TMEM150C: variants seen among roughly 807,000 people sequenced by gnomAD.
The protein encoded by TMEM150C is transmembrane protein 150C.
TMEM150C carries 10 observed loss-of-function variants against 29.9 expected under a neutral mutation model. The ratio of observed to expected loss-of-function variants is 0.33; its 90% CI spans 0.21 to 0.57. TMEM150C has a LOEUF of 0.57. Among genes scored for constraint, TMEM150C ranks in the 20% least tolerant of loss-of-function variants. The pLI is 0.88. For synonymous variants in TMEM150C, 101 were observed against 112.5 expected, an observed-to-expected ratio of 0.90 and a Z score of 0.64; for missense variants, 251 against 303.6, an observed-to-expected ratio of 0.83 and a Z score of 1.29.
At chr4:82,491,821 A>AG (rs1033225512) in intron 6 of TMEM150C, among the ~76,000 whole-genome samples, 2 of 151,044 alleles carry the variant, frequency 1.3e-5, no homozygotes, top group African/African-American at 4.9e-5. Flanking sequence ...TTACTGATGG[A>AG]GGACAGCCAA....
At chr4:82,512,220 G>T (rs1269543500) in intron 1 of TMEM150C, among the ~76,000 whole-genome samples, 1 of 152,072 alleles carries the variant, frequency 6.6e-6, no homozygotes, top group Non-Finnish European at 1.5e-5. Flanking sequence ...TGAAAATATG[G>T]TACCTAGTGC....
At position 82,484,772 on chromosome 4, in the gene TMEM150C, C is replaced by T. The variant is rs1723105179; in HGVS notation, c.*739G>A. On this transcript the variant is annotated 3_prime_UTR_variant, in exon 8 of 8. Transcript: ENST00000449862. Reference sequence around the variant, plus strand: ...GTACATGGCATACTATGAAAGCAAACACTAAACCATACCTTCACTGCCCCC... The same window carrying T: ...GTACATGGCATACTATGAAAGCAAATACTAAACCATACCTTCACTGCCCCC... The T allele has an allele frequency of 6.6e-6, 1 of 152,258 alleles. No homozygotes were observed. Among genetic ancestry groups the T allele is most frequent in the Non-Finnish European group, 1.5e-5 (1 of 68,100 alleles). The allele number at this position is 152,258 out of a possible 1,614,324, so 9.4% of individuals were successfully genotyped here.
At chr4:82,497,462 C>T (rs574403788) in intron 5 of TMEM150C, among the ~76,000 whole-genome samples, 2 of 152,064 alleles carry the variant, frequency 1.3e-5, no homozygotes, top group Non-Finnish European at 2.9e-5. Flanking sequence ...TTGCATTTCT[C>T]GAGTATGTTA....
chr4:82,487,430 C>T (rs1723200026), intron 7 of TMEM150C, among the ~76,000 whole-genome samples: 3 of 152,176 alleles, frequency 2.0e-5, no homozygotes, highest in Admixed American at 1.3e-4. Flanking sequence ...GCCTAGGCAA[C>T]AGAATGAGAC....
chr4:82,554,133 G>C (rs1399701634), intron 1 of TMEM150C, among the ~76,000 whole-genome samples: 1 of 152,108 alleles, frequency 6.6e-6, no homozygotes, highest in Non-Finnish European at 1.5e-5. Flanking sequence ...TGGTATGTGG[G>C]AACATAATAC....
intron 1 of TMEM150C, among the ~76,000 whole-genome samples, chr4:82,520,994 T>C (rs1724465514): frequency 6.6e-6 from 1 of 152,164 alleles, no homozygotes; most frequent in South Asian, 2.1e-4. Flanking sequence ...CCAGTCTCCT[T>C]GCATTACTTG....
intron 1 of TMEM150C, among the ~76,000 whole-genome samples, chr4:82,535,760 A>T (rs1445997270): frequency 6.6e-6 from 1 of 152,244 alleles, no homozygotes; most frequent in Non-Finnish European, 1.5e-5. Context: ...GCATTAAAGA[A>T]TATCTAATAT....
chr4:82,530,997 C>G (rs1724828539), intron 1 of TMEM150C, among the ~76,000 whole-genome samples: 1 of 152,168 alleles, frequency 6.6e-6, no homozygotes, highest in South Asian at 2.1e-4. Context: ...CCCCCATCAT[C>G]CAATCACCTC....
intron 1 of TMEM150C, 68 bp downstream of exon 1, chr4:82,561,838 A>G (rs28504380): frequency 0.47 from 451,615 of 966,828 alleles, 106,774 homozygotes; most frequent in African/African-American, 0.62. Flanking sequence ...CGGGCTGCGC[A>G]CGGGGCCGGG....
At chr4:82,492,234 T>A (rs1723376918) in intron 6 of TMEM150C, among the ~76,000 whole-genome samples, 1 of 152,178 alleles carries the variant, frequency 6.6e-6, no homozygotes, top group Admixed American at 6.5e-5. Context: ...GTTCAAGCGA[T>A]TCTCATGTCT....
intron 6 of TMEM150C, among the ~76,000 whole-genome samples, chr4:82,492,864 GTATATATATA>G (rs58169287): frequency 0.011 from 1,005 of 90,258 alleles, 22 homozygotes; most frequent in African/African-American, 0.031. Context: ...ATATGTTTGT[GTATATATATA>G]TATATATATA....
At chr4:82,536,933 C>T (rs1168594549) in intron 1 of TMEM150C, among the ~76,000 whole-genome samples, 2 of 152,076 alleles carry the variant, frequency 1.3e-5, no homozygotes, top group Non-Finnish European at 2.9e-5. Flanking sequence ...AGAAGAAATA[C>T]AAATATTCAT....
chr4:82,506,318 G>A (rs1348331162), intron 1 of TMEM150C, among the ~76,000 whole-genome samples: 6 of 152,200 alleles, frequency 3.9e-5, no homozygotes, highest in East Asian at 3.8e-4. Flanking sequence ...ACCTGATTAC[G>A]TAGATCTTTC....
rs1320924473 is a variant in TMEM150C, at chr4:82,485,149, T to C, written c.*362A>G. The C allele has an allele frequency of 5.0e-6, 1 of 199,808 alleles. No homozygotes were observed. The highest frequency in any genetic ancestry group is 1.0e-5 in the Non-Finnish European group (1 of 97,858). 12.4% of individuals were successfully genotyped at this position (199,808 alleles called of 1,614,324 possible). A position where few individuals can be genotyped will look rare whatever the true frequency, so the allele number is the denominator to read the frequency against. On this transcript the variant is annotated 3_prime_UTR_variant, in exon 8 of 8. Coordinates refer to ENST00000449862, the MANE Select transcript of TMEM150C (RefSeq NM_001080506.3). ...TTGGACCTGAAGGCAACGTCGGGAG[T>C]TGGCATTACTCCCAAGGAACATTTG... is the stretch of plus-strand genomic sequence containing the variant.
intron 6 of TMEM150C, among the ~76,000 whole-genome samples, chr4:82,490,593 T>G (rs112729565): frequency 0.051 from 7,825 of 151,998 alleles, 566 homozygotes; most frequent in Admixed American, 0.21. Context: ...TGTTTGTTTT[T>G]GTTTTGGTTT....
intron 1 of TMEM150C, among the ~76,000 whole-genome samples, chr4:82,535,931 C>T (rs1724988618): frequency 1.3e-5 from 2 of 152,030 alleles, no homozygotes; most frequent in Non-Finnish European, 2.9e-5. Flanking sequence ...ATGTAGCACC[C>T]CCCTCCCTGC....
chr4:82,550,033 G>T (rs564661394), intron 1 of TMEM150C, among the ~76,000 whole-genome samples: 14 of 152,212 alleles, frequency 9.2e-5, no homozygotes, highest in African/African-American at 3.4e-4. Flanking sequence ...AGGAAAGGAG[G>T]TTGATATGGT....
rs572954017 is a variant in TMEM150C at position 82,536,199 on chromosome 4, A to G, written c.-11+25707T>C. On this transcript the variant is annotated intron_variant, in intron 1 of 7. Coordinates refer to ENST00000449862, the MANE Select transcript of TMEM150C (RefSeq NM_001080506.3). ...ATGGTGATACCCCATCTCTACTAAAAACACAAAAATAAGCTGGTCCTGGTG... is the reference window on the plus strand; with the variant it reads ...ATGGTGATACCCCATCTCTACTAAAGACACAAAAATAAGCTGGTCCTGGTG... Among the ~76,000 whole-genome samples the G allele has an allele frequency of 1.2e-4, 19 of 152,142 alleles. No homozygotes were observed. The South Asian group carries it at 4.0e-3, about 32-fold the overall frequency.
chr4:82,535,022 T>C (rs1004365690), intron 1 of TMEM150C, among the ~76,000 whole-genome samples: 2 of 152,184 alleles, frequency 1.3e-5, no homozygotes, highest in Admixed American at 6.5e-5. Context: ...AGAAGTAAAA[T>C]TGTTTCTGTG....
Sources: gnomAD v4.1 joint callset for allele counts (sites outside exome capture counted in the v4.1 genomes callset) on GRCh38, gnomAD v4.1.1 for gene constraint, MANE v1.5 for transcripts, NCBI Gene and HGNC (gene_info 2026-07-23, HGNC 2026-07-21) for gene names.